The following AMPD1 variants were observed in gnomAD, a reference collection of about 807,000 sequenced individuals.
AMPD1 encodes adenosine monophosphate deaminase 1, also known as AMP deaminase 1.
In AMPD1, 74 loss-of-function variants were observed where a neutral mutation model predicts 82.9. The observed-to-expected ratio is 0.89, with a 90% CI of 0.74 to 1.08. AMPD1 has a LOEUF of 1.08. Ranked by LOEUF, AMPD1 falls within the 50% of genes least tolerant of loss-of-function variation. The probability of loss-of-function intolerance (pLI) is 0.00; values close to 1 mark genes in which losing one functional copy is unlikely to be tolerated. For synonymous variants in AMPD1, 333 were observed against 320.5 expected (o/e 1.04, Z -0.42); for missense variants, 881 against 924.5 (o/e 0.95, Z 0.61).
chr1:114,673,900 A>T lies in AMPD1; in HGVS notation c.1974+9T>A. On this transcript the variant is annotated intron_variant, in intron 14 of 15. Coordinates refer to ENST00000520113, the MANE Select transcript of AMPD1 (RefSeq NM_000036.3). ...AAATATGCTTGTATTGCCCAAGTCC[A>T]TACTATACCTTGGTAAAGTGGAATT... 3.1e-6 allele frequency: 5 copies of T among 1,613,446 alleles called. No homozygotes were observed. The highest frequency in any genetic ancestry group is 4.2e-6 in the Non-Finnish European group (5 of 1,179,334).
In AMPD1 at chr1:114,678,429, A is replaced by G. The variant is rs1658063515; in HGVS notation, c.996T>C (p.Tyr332=). ...GGGTCAGATTCTTCTCTTTGGTGCT[A>G]TAGACCACTCTGTCAGCATCAATTT... ...SYQIDADRVV[Y]STKEKNLTLK... is the part of the protein sequence containing the mutation. Residue 332 remains tyrosine (Y), a synonymous_variant, in exon 8 of 16, where the codon TAT becomes TAC. Coordinates refer to ENST00000520113, the MANE Select transcript of AMPD1 (RefSeq NM_000036.3). The G allele has an allele frequency of 1.9e-6, 3 of 1,614,160 alleles. No individual in the cohort carries two copies. The highest frequency in any genetic ancestry group is 2.5e-6 in the Non-Finnish European group (3 of 1,179,990).
chr1:114,678,195 C>A, intron 8 of AMPD1, 138 bp downstream of exon 8: 1 of 1,459,890 alleles, frequency 6.8e-7, no homozygotes, highest in Non-Finnish European at 9.5e-7. Flanking sequence ...GAGCAAACTT[C>A]AAAATTGTCT....
At chr1:114,678,603 T>A in intron 7 of AMPD1, 76 bp from the exon 8 acceptor site, 1 of 1,341,198 alleles carries the variant, frequency 7.5e-7, no homozygotes, top group Non-Finnish European at 1.1e-6. Context: ...GATATGGTGC[T>A]GCAAATCCCA....
At chr1:114,691,121 C>T (rs1238042338) in intron 2 of AMPD1, among the ~76,000 whole-genome samples, 2 of 152,186 alleles carry the variant, frequency 1.3e-5, no homozygotes, top group East Asian at 1.9e-4. Context: ...AGAAACTCTA[C>T]TCTTAAGAAG....
At chr1:114,681,106 G>T (rs1165771010) in intron 5 of AMPD1, among the ~76,000 whole-genome samples, 1 of 152,206 alleles carries the variant, frequency 6.6e-6, no homozygotes, top group South Asian at 2.1e-4. Context: ...GTCATCAAAG[G>T]CTTTCTGTTT....
intron 9 of AMPD1, 88 bp downstream of exon 9, chr1:114,677,822 C>CTTCCTTCCTTCT (rs1658042600): frequency 1.2e-5 from 14 of 1,180,482 alleles, no homozygotes; most frequent in South Asian, 2.4e-5. Flanking sequence ...TCCTTCCTTC[C>CTTCCTTCCTTCT]TTCCTTCCTT....
At chr1:114,673,572 T>C in intron 15 of AMPD1, 67 bp downstream of exon 15, 5 of 1,285,714 alleles carry the variant, frequency 3.9e-6, no homozygotes, top group Non-Finnish European at 4.5e-6. Flanking sequence ...GTTTCCCAAC[T>C]ACTTTTTCGG....
chr1:114,683,703 C>T (rs1658228841), intron 5 of AMPD1, among the ~76,000 whole-genome samples: 1 of 152,150 alleles, frequency 6.6e-6, no homozygotes, highest in Admixed American at 6.5e-5. Flanking sequence ...TGCCGCTGCA[C>T]TCCAGCCTGG....
rs1382902989 is a variant in AMPD1, at chr1:114,680,458, T to C, written c.568A>G (p.Lys190Glu). ...FYPVFTPPVK[K>E]GEDPFRTDNL... The stretch of plus-strand genomic sequence containing the variant: ...TCTGTTCGGAAGGGGTCCTCTCCCT[T>C]CTTCACAGGAGGAGTAAAGACTTTT... Residue 190 changes from lysine to glutamate, a missense_variant, in exon 6 of 16, where the codon AAG becomes GAG. Lys to Glu is a moderately conservative substitution (Grantham distance 56, BLOSUM62 1). Around this residue, in one of 2 missense-constraint regions of AMPD1, gnomAD observed 783 missense variants for 786.4 expected, o/e 1.00. Transcript: ENST00000520113. 1.2e-6 allele frequency: 2 copies of C among 1,614,160 alleles called. No homozygotes were observed. Among genetic ancestry groups the C allele is most frequent in the Non-Finnish European group, 1.7e-6 (2 of 1,180,024 alleles).
chr1:114,688,585 A>C lies in AMPD1; in HGVS notation c.191T>G (p.Leu64Arg), dbSNP rs771921467. ...MQAHIFHLET[L>R]STSTEARRKK... is the part of the protein sequence containing the mutation. ...CCTCCTGGCTTCTGTGGAGGTGGAC[A>C]GAGTCTCCAGATGGAATATGTGTGC... Residue 64 changes from leucine (L) to arginine (R), a missense_variant, in exon 3 of 16, where the codon CTG (leucine) becomes CGG (arginine). Physicochemically the swap from Leu to Arg is moderately radical, Grantham distance 102. Transcript: ENST00000520113. 1.2e-6 allele frequency: 2 copies of C among 1,614,194 alleles called. No individual in the cohort carries two copies. Among genetic ancestry groups the C allele is most frequent in the Non-Finnish European group, 1.7e-6 (2 of 1,180,030 alleles).
chr1:114,687,258 T>A (rs530673619), intron 3 of AMPD1, among the ~76,000 whole-genome samples: 1 of 152,148 alleles, frequency 6.6e-6, no homozygotes, highest in African/African-American at 2.4e-5. Context: ...ATTTTATTCA[T>A]GTTCCTTAAA....
rs773842146 is a variant in AMPD1, at chr1:114,674,813, G to T, written c.1739C>A (p.Thr580Asn). 9.3e-6 allele frequency: 15 copies of T among 1,613,828 alleles called. 1 individual carries two copies. In the South Asian group the frequency reaches 1.6e-4, roughly 18 times the overall value. Residue 580 changes from threonine (T) to asparagine (N), a missense_variant, in exon 13 of 16, where the codon ACC (threonine) becomes AAC (asparagine). Coordinates refer to ENST00000520113, the MANE Select transcript of AMPD1 (RefSeq NM_000036.3). ...RPHCGEAGAL[T>N]HLMTAFMIAD... The stretch of plus-strand genomic sequence containing the variant: ...TATCATGAATGCTGTCATGAGATGG[G>T]TGAGGGCTCCAGCTTCTCCACAGTG...
chr1:114,695,266 C>A (rs566817721), intron 1 of AMPD1, among the ~76,000 whole-genome samples, 184 bp downstream of exon 1: 1 of 152,134 alleles, frequency 6.6e-6, no homozygotes, highest in East Asian at 1.9e-4. Flanking sequence ...TTACCCACAT[C>A]CCAAAACTAA....
Position 114,679,641 on chromosome 1 carries a change from C to T in AMPD1, c.835G>A (p.Glu279Lys), listed in dbSNP as rs777934972. 6.8e-6 allele frequency: 11 copies of T among 1,613,884 alleles called. No individual in the cohort carries two copies. Among genetic ancestry groups the T allele is most frequent in the Middle Eastern group, 1.6e-4 (1 of 6,062 alleles). Residue 279 changes from glutamate to lysine, a missense_variant, in exon 7 of 16, where the codon GAG (glutamate) becomes AAG (lysine). Glu to Lys is a moderately conservative substitution (Grantham distance 56). This residue lies in a region of AMPD1 where 783 missense variants were observed against 786.4 expected (regional missense o/e 1.00). Coordinates refer to ENST00000520113, the MANE Select transcript of AMPD1 (RefSeq NM_000036.3). ...TTCAGCTCCTTTAACTCGTCCATCTCGTTAAGCATCTGATGGACCTGGAAC... is the reference window on the plus strand; with the variant it reads ...TTCAGCTCCTTTAACTCGTCCATCTTGTTAAGCATCTGATGGACCTGGAAC... The part of the protein sequence containing the change: ...SKFQVHQMLN[E>K]MDELKELKNN...
Position 114,677,987 on chromosome 1 carries a change from C to G in AMPD1, c.1147G>C (p.Gly383Arg). ...TAGAGGTCCCGTAGCTCACTTGCTCCTACAGGATTATATTTGTCATTGAAC... is the reference window on the plus strand; with the variant it reads ...TAGAGGTCCCGTAGCTCACTTGCTCGTACAGGATTATATTTGTCATTGAAC... ...DKFNDKYNPVGASELRDLYLK... is the reference protein window; with the variant it reads ...DKFNDKYNPVRASELRDLYLK... Residue 383 changes from glycine to arginine, a missense_variant, in exon 9 of 16, where the codon GGA becomes CGA. Physicochemically the swap from Gly to Arg is moderately radical, Grantham distance 125 (BLOSUM62 -2). Coordinates refer to ENST00000520113, the MANE Select transcript of AMPD1 (RefSeq NM_000036.3). 6.2e-7 allele frequency: 1 copy of G among 1,613,984 alleles called. No individual in the cohort carries two copies. Among genetic ancestry groups the G allele is most frequent in the Non-Finnish European group, 8.5e-7 (1 of 1,179,984 alleles).
intron 4 of AMPD1, 47 bp downstream of exon 4, chr1:114,686,698 T>G (rs1371041471): frequency 6.2e-7 from 1 of 1,604,256 alleles, no homozygotes; most frequent in African/African-American, 1.3e-5. Flanking sequence ...ACTGTCAAGC[T>G]GAATGGCTTC....
chr1:114,676,030 G>A (rs1657971895), intron 10 of AMPD1, 27 bp from the exon 11 acceptor site: 1 of 1,612,680 alleles, frequency 6.2e-7, no homozygotes, highest in African/African-American at 1.3e-5. Context: ...AGAGAATTTA[G>A]GAGAAAAAAA....
At chr1:114,675,757 A>G in intron 11 of AMPD1, 64 bp from the exon 12 acceptor site, 1 of 1,613,590 alleles carries the variant, frequency 6.2e-7, no homozygotes, top group African/African-American at 1.3e-5. Flanking sequence ...TCCTCACACA[A>G]ACTTTCAGGT....
rs1309635556 is a variant in AMPD1, at chr1:114,686,683, C to A, written c.381+62G>T. 9.5e-6 allele frequency: 15 copies of A among 1,571,888 alleles called. No homozygotes were observed. In the South Asian group the frequency reaches 1.2e-4, roughly 13 times the overall value. On this transcript the variant is annotated intron_variant, in intron 4 of 15. Coordinates refer to ENST00000520113, the MANE Select transcript of AMPD1 (RefSeq NM_000036.3). ...ACAGGAAAGAGAAGAAGGCAAGGAG[C>A]TAGAACTGTCAAGCTGAATGGCTTC...
Sources: allele counts gnomAD v4.1 joint callset (sites outside exome capture counted in the v4.1 genomes callset), GRCh38; gene constraint gnomAD v4.1.1; regional missense constraint gnomAD v4.1.1; transcripts MANE v1.5; gene names NCBI Gene and HGNC (gene_info 2026-07-23, HGNC 2026-07-21).